Variants in SS18 observed in about 807,000 individuals in gnomAD.
SS18 encodes the protein SS18 subunit of BAF chromatin remodeling complex.
A neutral mutation model predicts 72.5 loss-of-function variants in SS18; 28 were observed. That is an observed-to-expected ratio of 0.39 (90% CI 0.29 to 0.53). The LOEUF (loss-of-function observed/expected upper bound fraction) is 0.53, where lower values mean the gene tolerates loss of function less well. SS18 is among the 20% of genes least tolerant of loss of function. The pLI, the probability that SS18 is intolerant of heterozygous loss-of-function variation, is 0.76. For missense variants in SS18, 518 were observed against 535.3 expected, an observed-to-expected ratio of 0.97 and a Z score of 0.32; for synonymous variants, 172 against 164.2, an observed-to-expected ratio of 1.05 and a Z score of -0.37.
At chr18:26,034,625 G>A (rs1417401035) in intron 9 of SS18, among the ~76,000 whole-genome samples, 1 of 151,242 alleles carries the variant, frequency 6.6e-6, no homozygotes, top group African/African-American at 2.4e-5. Flanking sequence ...AAAAAAAACT[G>A]TATTGGCCAC....
At chr18:26,057,560 T>C (rs755973809) in intron 4 of SS18, 29 bp downstream of exon 4, 19 of 1,613,402 alleles carry the variant, frequency 1.2e-5, no homozygotes, top group Non-Finnish European at 1.5e-5. Flanking sequence ...GCAACTCTGG[T>C]GTTAATGTCT....
At chr18:26,030,173 T>C (rs1450462373) in intron 10 of SS18, among the ~76,000 whole-genome samples, 3 of 152,220 alleles carry the variant, frequency 2.0e-5, no homozygotes, top group African/African-American at 7.2e-5. Context: ...CTAATACGGC[T>C]TGTAAGAGCC....
intron 10 of SS18, 122 bp from the exon 11 acceptor site, chr18:26,018,502 C>T (rs2053287993): frequency 1.5e-6 from 1 of 671,772 alleles, no homozygotes; most frequent in African/African-American, 1.8e-5. Flanking sequence ...CTACAATAAA[C>T]AAAATTTTTT....
intron 3 of SS18, among the ~76,000 whole-genome samples, chr18:26,076,402 T>C (rs566590720): frequency 6.6e-6 from 1 of 151,926 alleles, no homozygotes; most frequent in South Asian, 2.1e-4. Flanking sequence ...ATAGATTGCA[T>C]GACAAAATAT....
At chr18:26,081,953 G>C (rs1568032793) in intron 2 of SS18, among the ~76,000 whole-genome samples, 1 of 152,052 alleles carries the variant, frequency 6.6e-6, no homozygotes, top group Non-Finnish European at 1.5e-5. Flanking sequence ...TGCTACTTAG[G>C]AGGCTAAGGT....
At chr18:26,034,862 C>T in intron 9 of SS18, 143 bp downstream of exon 9, 1 of 1,101,888 alleles carries the variant, frequency 9.1e-7, no homozygotes, top group South Asian at 2.0e-5. Context: ...ACATTTTAAA[C>T]CAACATTTTA....
At chr18:26,051,938 A>G (rs1056296216) in intron 5 of SS18, among the ~76,000 whole-genome samples, 3 of 151,972 alleles carry the variant, frequency 2.0e-5, no homozygotes, top group African/African-American at 7.3e-5. Flanking sequence ...ATTTTATTCC[A>G]AATACATTTA....
chr18:26,045,616 A>G (rs992923733), intron 5 of SS18, among the ~76,000 whole-genome samples: 2 of 152,178 alleles, frequency 1.3e-5, no homozygotes, highest in Non-Finnish European at 2.9e-5. Flanking sequence ...TTTTAACCTT[A>G]TAACATTCAT....
intron 5 of SS18, among the ~76,000 whole-genome samples, 164 bp from the exon 6 acceptor site, chr18:26,039,620 T>C (rs541124698): frequency 6.6e-6 from 1 of 152,328 alleles, no homozygotes; most frequent in African/African-American, 2.4e-5. Flanking sequence ...AAAATTCACA[T>C]GCCTAAAATA....
At chr18:26,042,050 GA>G (rs1169116592) in intron 5 of SS18, among the ~76,000 whole-genome samples, 3 of 148,908 alleles carry the variant, frequency 2.0e-5, no homozygotes, top group South Asian at 2.1e-4. Context: ...ATCCATTAAA[GA>G]AAAAAAAAAT....
In SS18 at chr18:26,017,778, T is replaced by C. The variant is rs1429950219; in HGVS notation, c.*576A>G. ...CAGAACAGTGGACATATGGTGTGCTTTGTCTTCCCCTCACCTTTATCTTTA... is the reference window on the plus strand; with the variant it reads ...CAGAACAGTGGACATATGGTGTGCTCTGTCTTCCCCTCACCTTTATCTTTA... On this transcript the variant is annotated 3_prime_UTR_variant, in exon 11 of 11. Coordinates refer to ENST00000415083, the MANE Select transcript of SS18 (RefSeq NM_001007559.3). The C allele has an allele frequency of 8.9e-6, 2 of 224,082 alleles. No homozygotes were observed. The highest frequency in any genetic ancestry group is 8.9e-6 in the Non-Finnish European group (1 of 112,392). The allele number at this position is 224,082 out of a possible 1,614,324, so 13.9% of individuals were successfully genotyped here.
intron 5 of SS18, among the ~76,000 whole-genome samples, chr18:26,047,466 G>C (rs527830865): frequency 4.4e-5 from 1 of 22,638 alleles, no homozygotes; most frequent in African/African-American, 1.2e-4. Context: ...TCAAAGTTCT[G>C]ATATAATTGG....
chr18:26,076,961 A>T (rs2054424903), intron 3 of SS18, among the ~76,000 whole-genome samples: 1 of 152,022 alleles, frequency 6.6e-6, no homozygotes, highest in East Asian at 1.9e-4. Flanking sequence ...TGACTTTCCT[A>T]TGGGGACTCT....
At chr18:26,020,219 G>A (rs943535444) in intron 10 of SS18, among the ~76,000 whole-genome samples, 16 of 152,038 alleles carry the variant, frequency 1.1e-4, no homozygotes, top group Non-Finnish European at 1.0e-4. Context: ...TGTGAGACTC[G>A]GTTTCTTCAA....
intron 10 of SS18, among the ~76,000 whole-genome samples, chr18:26,027,365 T>C (rs2053463546): frequency 6.6e-6 from 1 of 151,868 alleles, no homozygotes; most frequent in Non-Finnish European, 1.5e-5. Context: ...AAGAGAGTTT[T>C]TGGCTGGGCA....
At chr18:26,041,363 G>A (rs1187983354) in intron 5 of SS18, among the ~76,000 whole-genome samples, 1 of 152,172 alleles carries the variant, frequency 6.6e-6, no homozygotes, top group African/African-American at 2.4e-5. Context: ...GGCAGAGGTT[G>A]CAGTAAGCTG....
chr18:26,070,474 A>C (rs1024745616), intron 3 of SS18, among the ~76,000 whole-genome samples: 1 of 152,242 alleles, frequency 6.6e-6, no homozygotes, highest in Admixed American at 6.5e-5. Context: ...AAGTCTGTTA[A>C]AATATGTGTA....
chr18:26,089,704 G>A (rs1568038498), intron 1 of SS18: 1 of 152,368 alleles, frequency 6.6e-6, no homozygotes, highest in East Asian at 1.9e-4. Flanking sequence ...AGCGACTGCA[G>A]CAGCTCTATC....
chr18:26,052,014 C>A (rs938708423), intron 5 of SS18, among the ~76,000 whole-genome samples: 3 of 152,114 alleles, frequency 2.0e-5, no homozygotes, highest in African/African-American at 7.2e-5. Context: ...TGGAAATAAG[C>A]CAAATGTTTT....
Sources: allele counts gnomAD v4.1 joint callset (sites outside exome capture counted in the v4.1 genomes callset), GRCh38; gene constraint gnomAD v4.1.1; transcripts MANE v1.5; gene names NCBI Gene and HGNC (gene_info 2026-07-23, HGNC 2026-07-21).